The following DIP2A variants were observed in gnomAD, a reference collection of about 807,000 sequenced individuals.
The protein encoded by DIP2A is DIP2 acetate--CoA ligase A.
Under a neutral mutation model 177.4 loss-of-function variants are expected in DIP2A, and 85 were observed. The observed-to-expected ratio is 0.48, with a 90% confidence interval of 0.40 to 0.57. The LOEUF is 0.57. Among genes scored for constraint, DIP2A ranks in the 20% least tolerant of loss-of-function variants. The probability of loss-of-function intolerance (pLI) is 0.00; values close to 1 mark genes in which losing one functional copy is unlikely to be tolerated. For synonymous variants in DIP2A, 886 were observed against 881.8 expected, an observed-to-expected ratio of 1.00 and a Z score of -0.08; for missense variants, 1,791 against 2,100.2, an observed-to-expected ratio of 0.85 and a Z score of 2.88.
intron 2 of DIP2A, among the ~76,000 whole-genome samples, chr21:46,485,933 T>C (rs1282758401): frequency 6.6e-6 from 1 of 151,798 alleles, no homozygotes; most frequent in Non-Finnish European, 1.5e-5. Flanking sequence ...TCGCCGGGCA[T>C]GGTGGTGCGT....
chr21:46,567,335 G>A (rs747272067), intron 37 of DIP2A, 35 bp from the exon 38 acceptor site: 7 of 1,593,566 alleles, frequency 4.4e-6, no homozygotes, highest in East Asian at 2.2e-5. Flanking sequence ...ACCTGTGCCT[G>A]TATCCATGTG....
intron 10 of DIP2A, 26 bp downstream of exon 10, chr21:46,532,263 G>T (rs532917280): frequency 3.1e-6 from 5 of 1,590,026 alleles, no homozygotes; most frequent in Non-Finnish European, 4.3e-6. Flanking sequence ...CTCAGGTCCC[G>T]TGTGGTTCGC....
Position 46,554,679 on chromosome 21 carries a change from G to A in DIP2A, c.3259G>A (p.Val1087Ile), listed in dbSNP as rs1475160191. 11 of 1,571,988 alleles carry A rather than the reference G, an allele frequency of 7.0e-6. No homozygotes were observed. Among genetic ancestry groups the A allele is most frequent in the Admixed American group, 3.7e-5 (2 of 53,390 alleles). ...PQNLGTTLPTVKMIVEVSKSA... is the reference protein window; with the variant it reads ...PQNLGTTLPTIKMIVEVSKSA... ...GAACCTCGGCACCACACTGCCCACC[G>A]TCAAGATGATCGTGGAGGTGCGCCT... Residue 1087 changes from valine to isoleucine, a missense_variant, in exon 27 of 38, where the codon GTC becomes ATC. By Grantham distance (29) the Val-to-Ile change is conservative (BLOSUM62 3). Transcript: ENST00000417564.
chr21:46,537,363 G>C lies in DIP2A; in HGVS notation c.1707+75G>C. ...AACCCAAGCCTCTGCCTGAAATGTT[G>C]TTGGGAGAGTACATCGGTTTTGTTT... On this transcript the variant is annotated intron_variant, in intron 14 of 37. Transcript: ENST00000417564. This position sits in a 1 kb window ranked among gnomAD's most constrained non-coding sequence, Gnocchi z 4.1. 6.2e-7 allele frequency: 1 copy of C among 1,610,334 alleles called. No homozygotes were observed. The highest frequency in any genetic ancestry group is 8.5e-7 in the Non-Finnish European group (1 of 1,176,548).
intron 22 of DIP2A, 157 bp downstream of exon 22, chr21:46,550,042 G>C (rs1601806150): frequency 2.8e-6 from 4 of 1,453,828 alleles, no homozygotes. Context: ...AATTACAGCT[G>C]TATGTATTTA....
intron 1 of DIP2A, among the ~76,000 whole-genome samples, chr21:46,461,430 C>T (rs950808708): frequency 3.9e-5 from 6 of 151,996 alleles, no homozygotes; most frequent in African/African-American, 9.7e-5. Context: ...ATCACATATA[C>T]GCAGTTTAGA....
At chr21:46,476,657 T>C (rs1420590892) in intron 1 of DIP2A, among the ~76,000 whole-genome samples, 1 of 151,102 alleles carries the variant, frequency 6.6e-6, no homozygotes, top group Non-Finnish European at 1.5e-5. Flanking sequence ...ACTCTATTTT[T>C]TTTTTTTTTT....
intron 8 of DIP2A, among the ~76,000 whole-genome samples, chr21:46,524,873 T>C (rs1172277439): frequency 0.016 from 194 of 11,768 alleles, 1 homozygote; most frequent in African/African-American, 0.1. Context: ...TGCTTTTTGC[T>C]TTTTTTTTTT....
chr21:46,575,936 A>G, the DIP2A span, among the ~76,000 whole-genome samples: 4 of 152,350 alleles, frequency 2.6e-5, no homozygotes, highest in South Asian at 8.3e-4. Flanking sequence ...CTCTGAATAA[A>G]CAAAGCAATT....
chr21:46,501,639 G>T (rs9982358), intron 5 of DIP2A, among the ~76,000 whole-genome samples: 42,948 of 151,912 alleles, frequency 0.28, 7,169 homozygotes, highest in African/African-American at 0.46. Context: ...CCCAGACTGG[G>T]CTTGAACTCC....
intron 8 of DIP2A, among the ~76,000 whole-genome samples, chr21:46,522,408 G>C (rs1405234868): frequency 6.6e-6 from 1 of 152,234 alleles, no homozygotes; most frequent in Non-Finnish European, 1.5e-5. Context: ...GAAACATGCA[G>C]TTTCTGGAGC....
intron 25 of DIP2A, among the ~76,000 whole-genome samples, chr21:46,552,705 A>T (rs1259079435): frequency 6.6e-6 from 1 of 152,164 alleles, no homozygotes; most frequent in Admixed American, 6.5e-5. Context: ...AAGGACCCCT[A>T]CTCTCAGGAG....
intron 25 of DIP2A, among the ~76,000 whole-genome samples, chr21:46,552,108 C>G (rs577879980): frequency 6.6e-6 from 1 of 152,196 alleles, no homozygotes; most frequent in East Asian, 1.9e-4. Context: ...GTGCGGTTCT[C>G]GCTGCCTGCC....
At chr21:46,485,832 G>A (rs2056646197) in intron 2 of DIP2A, among the ~76,000 whole-genome samples, 1 of 151,998 alleles carries the variant, frequency 6.6e-6, no homozygotes. Context: ...CAGCACTTTG[G>A]GAGGCTGAGG....
intron 16 of DIP2A, chr21:46,539,485 G>C (rs184558193): frequency 3.2e-6 from 1 of 317,054 alleles, no homozygotes; most frequent in East Asian, 8.8e-5. Flanking sequence ...CACCCCAGGC[G>C]CACCGCCACT....
At chr21:46,553,882 G>A (rs1734743655) in intron 25 of DIP2A, 2 of 283,020 alleles carry the variant, frequency 7.1e-6, no homozygotes, top group Non-Finnish European at 1.4e-5. Context: ...ACCAGTCGTG[G>A]ACCATGTGCG....
At chr21:46,510,671 C>G (rs1288371727) in intron 7 of DIP2A, among the ~76,000 whole-genome samples, 1 of 147,608 alleles carries the variant, frequency 6.8e-6, no homozygotes, top group African/African-American at 2.5e-5. Context: ...CACTCTGTCG[C>G]CCAGGCTGGA....
At chr21:46,551,576 C>T (rs778199770) in intron 23 of DIP2A, 58 bp from the exon 24 acceptor site, 14 of 1,393,942 alleles carry the variant, frequency 1.0e-5, no homozygotes, top group Middle Eastern at 1.8e-4. Context: ...AATAAAATCA[C>T]GTGATGTTTA....
chr21:46,539,905 C>T lies in DIP2A; in HGVS notation c.1950C>T (p.Leu650=). Reference sequence around the variant, plus strand: ...CGATCTCCTCCTGTGACGCCTTCCTCAACGTCTTCCAGTCCAGAGGTCTGA... The same window carrying T: ...CGATCTCCTCCTGTGACGCCTTCCTTAACGTCTTCCAGTCCAGAGGTCTGA... ...PWSISSCDAF[L]NVFQSRGLRP... is the part of the protein sequence containing the mutation. Residue 650 remains leucine, a synonymous_variant, in exon 17 of 38, where the codon CTC becomes CTT. Coordinates refer to ENST00000417564, the MANE Select transcript of DIP2A (RefSeq NM_015151.4). 6.2e-7 allele frequency: 1 copy of T among 1,614,022 alleles called. No individual in the cohort carries two copies. The highest frequency in any genetic ancestry group is 8.5e-7 in the Non-Finnish European group (1 of 1,179,894).
Sources: gnomAD v4.1 joint callset for allele counts (sites outside exome capture counted in the v4.1 genomes callset) on GRCh38, gnomAD v4.1.1 for gene constraint, Gnocchi (gnomAD v3.1) non-coding constraint, MANE v1.5 for transcripts, NCBI Gene and HGNC (gene_info 2026-07-23, HGNC 2026-07-21) for gene names.